Variants in ATP9A observed in about 807,000 individuals in gnomAD.
ATP9A encodes probable phospholipid-transporting ATPase IIA.
Under a neutral mutation model 144.1 loss-of-function variants are expected in ATP9A, and 52 were observed. That is an observed-to-expected ratio of 0.36 (90% confidence interval 0.29 to 0.45). The LOEUF (loss-of-function observed/expected upper bound fraction) is 0.45, where lower values mean the gene tolerates loss of function less well. ATP9A is among the 20% of genes least tolerant of loss of function. The pLI is 1.00. For missense variants in ATP9A, 947 were observed against 1,392.7 expected (o/e 0.68, Z 5.09); for synonymous variants, 582 against 557.4 (o/e 1.04, Z -0.62).
intron 8 of ATP9A, 149 bp downstream of exon 8, chr20:51,690,590 A>G (rs1601107263): frequency 1.4e-6 from 1 of 692,392 alleles, no homozygotes; most frequent in East Asian, 2.5e-5. Context: ...CTGAGAAACA[A>G]TACGCTGGCT....
At chr20:51,660,195 C>T (rs990185671) in intron 13 of ATP9A, among the ~76,000 whole-genome samples, 1 of 152,164 alleles carries the variant, frequency 6.6e-6, no homozygotes, top group Non-Finnish European at 1.5e-5. Flanking sequence ...AATAACAAGA[C>T]CTTTGACAAA....
At chr20:51,640,400 G>A (rs967239921) in intron 14 of ATP9A, among the ~76,000 whole-genome samples, 6 of 152,142 alleles carry the variant, frequency 3.9e-5, no homozygotes, top group East Asian at 1.9e-4. Context: ...GCTACAAAAC[G>A]TCCCGTAACA....
At chr20:51,627,713 C>A (rs1278408637) in intron 16 of ATP9A, 30 bp from the exon 17 acceptor site, 1 of 1,593,580 alleles carries the variant, frequency 6.3e-7, no homozygotes, top group Non-Finnish European at 8.6e-7. Context: ...CGAGTGGGAG[C>A]GGTGCTGAGA....
At position 51,690,814 on chromosome 20, in the gene ATP9A, A is replaced by G. The variant is rs756463760; in HGVS notation, c.648T>C (p.Leu216=). The G allele has an allele frequency of 2.4e-5, 38 of 1,613,932 alleles. No homozygotes were observed. Among genetic ancestry groups the G allele is most frequent in the Non-Finnish European group, 2.9e-5 (34 of 1,179,964 alleles). The stretch of plus-strand genomic sequence containing the variant: ...CGTACACATACGATCGAATCTGAAG[A>G]AGGTCCTGTTCAACAGAAGGCACAT... ...CTQRLPTAAD[L]LQIRSYVYAE... Residue 216 remains leucine (L), a synonymous_variant, in exon 8 of 28, where the codon CTT becomes CTC. Coordinates refer to ENST00000338821, the MANE Select transcript of ATP9A (RefSeq NM_006045.3).
chr20:51,615,101 C>T (rs867371445), intron 22 of ATP9A, among the ~76,000 whole-genome samples: 8 of 536 alleles, frequency 0.015, no homozygotes, highest in African/African-American at 0.048. Context: ...GGGGGCGGGG[C>T]GGGGGGTGGG....
chr20:51,638,912 C>T (rs1318857107), intron 15 of ATP9A, among the ~76,000 whole-genome samples: 1 of 152,102 alleles, frequency 6.6e-6, no homozygotes, highest in Non-Finnish European at 1.5e-5. Context: ...CACAAGGTTT[C>T]TTTTTTCATC....
chr20:51,605,153 T>C, intron 26 of ATP9A, 133 bp from the exon 27 acceptor site: 2 of 707,754 alleles, frequency 2.8e-6, no homozygotes, highest in Non-Finnish European at 4.3e-6. Context: ...GGTTAATGAC[T>C]GGTGCTTTAT....
chr20:51,743,872 T>C (rs937718985), intron 1 of ATP9A, among the ~76,000 whole-genome samples: 1 of 151,494 alleles, frequency 6.6e-6, no homozygotes, highest in Admixed American at 6.6e-5. Context: ...CTGGATGCAG[T>C]GGCAAACACC....
chr20:51,668,087 G>GGGC (rs2061178742), intron 13 of ATP9A, among the ~76,000 whole-genome samples: 1 of 1,252 alleles, frequency 8.0e-4, no homozygotes, highest in Admixed American at 4.4e-3. Context: ...GAAGGGAGGT[G>GGGC]GGGGGGGGGG....
At chr20:51,733,648 C>T (rs1027450779) in intron 1 of ATP9A, among the ~76,000 whole-genome samples, 2 of 151,540 alleles carry the variant, frequency 1.3e-5, no homozygotes, top group Middle Eastern at 3.2e-3. Context: ...GCTGGGATTA[C>T]AGGCGTGAGC....
intron 1 of ATP9A, 83 bp from the exon 2 acceptor site, chr20:51,730,061 T>G (rs2077733896): frequency 3.0e-6 from 4 of 1,353,816 alleles, no homozygotes; most frequent in African/African-American, 1.5e-5. Context: ...GCAGATTGCT[T>G]TTCTCTACAG....
intron 1 of ATP9A, among the ~76,000 whole-genome samples, chr20:51,762,878 TTTATTA>T (rs1485063726): frequency 3.3e-5 from 5 of 151,534 alleles, no homozygotes; most frequent in Non-Finnish European, 7.4e-5. Context: ...CCTGGCTTTT[TTTATTA>T]TTATTATTTA....
intron 17 of ATP9A, among the ~76,000 whole-genome samples, chr20:51,626,416 G>C (rs2077248704): frequency 6.6e-6 from 1 of 151,850 alleles, no homozygotes. Context: ...TTGAATCCAG[G>C]AGGCAGAGGT....
At chr20:51,714,474 C>T (rs1222904385) in intron 3 of ATP9A, among the ~76,000 whole-genome samples, 3 of 152,116 alleles carry the variant, frequency 2.0e-5, no homozygotes, top group Non-Finnish European at 2.9e-5. Flanking sequence ...CTCCGCCTCC[C>T]GGGCTCAAGC....
At chr20:51,639,054 T>C (rs1421605663) in intron 15 of ATP9A, among the ~76,000 whole-genome samples, 3 of 149,892 alleles carry the variant, frequency 2.0e-5, no homozygotes, top group South Asian at 2.1e-4. Context: ...AAAAAATACA[T>C]GTTCAATATT....
intron 13 of ATP9A, among the ~76,000 whole-genome samples, chr20:51,664,564 G>A (rs2122779210): frequency 6.6e-6 from 1 of 151,500 alleles, no homozygotes; most frequent in South Asian, 2.1e-4. Context: ...CCGTAGTCTG[G>A]GTAAGAGAGT....
chr20:51,687,583 G>A (rs758192291), intron 9 of ATP9A, among the ~76,000 whole-genome samples: 1 of 152,086 alleles, frequency 6.6e-6, no homozygotes, highest in African/African-American at 2.4e-5. Context: ...GGGCAAGAGT[G>A]AGACCCCCAT....
At chr20:51,674,771 G>A (rs186469360) in intron 10 of ATP9A, among the ~76,000 whole-genome samples, 17 of 152,174 alleles carry the variant, frequency 1.1e-4, no homozygotes, top group Non-Finnish European at 1.6e-4. Context: ...AGTCTGGGGC[G>A]CACACCAGTG....
At chr20:51,665,803 T>C (rs2077430556) in intron 13 of ATP9A, among the ~76,000 whole-genome samples, 1 of 152,180 alleles carries the variant, frequency 6.6e-6, no homozygotes, top group African/African-American at 2.4e-5. Flanking sequence ...GTTATAGTTT[T>C]CTCTCCTAAT....
Sources: allele counts gnomAD v4.1 joint callset (sites outside exome capture counted in the v4.1 genomes callset), GRCh38; gene constraint gnomAD v4.1.1; transcripts MANE v1.5; gene names NCBI Gene and HGNC (gene_info 2026-07-23, HGNC 2026-07-21).